CMIP: variants seen among roughly 807,000 people sequenced by gnomAD.
CMIP encodes the protein C-Maf-inducing protein.
In CMIP, 13 loss-of-function variants were observed where a neutral mutation model predicts 97.3. The ratio of observed to expected loss-of-function variants is 0.13; its 90% confidence interval spans 0.09 to 0.21. The LOEUF (loss-of-function observed/expected upper bound fraction) is 0.21. Ranked by LOEUF, CMIP falls within the 10% of genes least tolerant of loss-of-function variation. The probability of loss-of-function intolerance (pLI) is 1.00; values close to 1 mark genes in which losing one functional copy is unlikely to be tolerated. For missense variants in CMIP, 847 were observed against 1,024.9 expected, an observed-to-expected ratio of 0.83 and a Z score of 2.37; for synonymous variants, 538 against 436.3, an observed-to-expected ratio of 1.23 and a Z score of -2.91.
At chr16:81,660,819 A>G in intron 5 of CMIP, 65 bp from the exon 6 acceptor site, 1 of 1,565,914 alleles carries the variant, frequency 6.4e-7, no homozygotes, top group East Asian at 2.2e-5. Flanking sequence ...TGGCCTGGAG[A>G]TTGTTCGAAG....
intron 3 of CMIP, among the ~76,000 whole-genome samples, chr16:81,622,373 A>G (rs1489010318): frequency 6.6e-6 from 1 of 152,146 alleles, no homozygotes; most frequent in African/African-American, 2.4e-5. Context: ...CTGGGAGAAC[A>G]TCTCTGATGC....
At position 81,652,506 on chromosome 16, in the gene CMIP, C is replaced by T. The variant is rs2092439792; in HGVS notation, c.639+142C>T. 4 of 715,496 alleles carry T rather than the reference C, an allele frequency of 5.6e-6. No individual in the cohort carries two copies. The highest frequency in any genetic ancestry group is 9.3e-6 in the Non-Finnish European group (4 of 431,548). 44.3% of individuals were successfully genotyped at this position (715,496 alleles called of 1,614,324 possible). The stretch of plus-strand genomic sequence containing the variant: ...CTGCCGAAGGAGGTGAGCAGTTGCC[C>T]ACCCAGCCGTGTGTGGGAGTTGGGA... On this transcript the variant is annotated intron_variant, in intron 4 of 20. Transcript: ENST00000537098. The surrounding 1 kb of genome is among the most constrained non-coding windows in gnomAD (Gnocchi z 5.2).
chr16:81,456,489 G>A (rs9939491), intron 1 of CMIP, among the ~76,000 whole-genome samples: 46,816 of 152,088 alleles, frequency 0.31, 7,708 homozygotes, highest in East Asian at 0.65. Context: ...CAAGGCAACA[G>A]TAAGGATAGT....
At chr16:81,476,591 C>T (rs879728416) in intron 1 of CMIP, 3 of 487,694 alleles carry the variant, frequency 6.2e-6, no homozygotes, top group Non-Finnish European at 7.6e-6. Flanking sequence ...TGTAAAGTTT[C>T]ATATAAATAG....
chr16:81,556,308 T>A (rs1444532819), intron 1 of CMIP, among the ~76,000 whole-genome samples: 1 of 152,146 alleles, frequency 6.6e-6, no homozygotes, highest in Non-Finnish European at 1.5e-5. Context: ...GCTTCCACCT[T>A]TTGGCTACTT....
chr16:81,651,573 T>A (rs1161899906), intron 3 of CMIP: 1 of 161,964 alleles, frequency 6.2e-6, no homozygotes, highest in Non-Finnish European at 1.3e-5. Flanking sequence ...GCTGACTACC[T>A]GTCTTCAAGC....
At chr16:81,642,521 CTGAT>C (rs1398111478) in intron 3 of CMIP, among the ~76,000 whole-genome samples, 10 of 152,240 alleles carry the variant, frequency 6.6e-5, no homozygotes, top group Middle Eastern at 3.2e-3. Flanking sequence ...AAAATTTAAA[CTGAT>C]TCAGTGCAGT....
intron 1 of CMIP, among the ~76,000 whole-genome samples, chr16:81,582,591 T>C (rs1397299943): frequency 1.3e-5 from 2 of 152,064 alleles, no homozygotes; most frequent in African/African-American, 4.8e-5. Context: ...GAGACCACTT[T>C]CCAGCAAACA....
chr16:81,530,770 G>C (rs914556504), intron 1 of CMIP, among the ~76,000 whole-genome samples: 21 of 152,162 alleles, frequency 1.4e-4, no homozygotes, highest in African/African-American at 4.1e-4. Flanking sequence ...CATCCAAGGT[G>C]GCATCACTAA....
chr16:81,636,915 A>G (rs2092244483), intron 3 of CMIP, among the ~76,000 whole-genome samples: 1 of 146,972 alleles, frequency 6.8e-6, no homozygotes, highest in Non-Finnish European at 1.5e-5. Context: ...TTATGCATGT[A>G]TTTGCTACTG....
At chr16:81,606,669 C>T (rs1177104448) in intron 1 of CMIP, among the ~76,000 whole-genome samples, 1 of 151,942 alleles carries the variant, frequency 6.6e-6, no homozygotes. Context: ...CCAAGACAGA[C>T]CTAGGCCCTG....
intron 1 of CMIP, among the ~76,000 whole-genome samples, chr16:81,604,624 C>T (rs750520123): frequency 2.6e-4 from 39 of 152,184 alleles, no homozygotes; most frequent in Non-Finnish European, 3.4e-4. Flanking sequence ...TGCTTGAACA[C>T]GGGAGGCAGA....
chr16:81,533,313 G>A (rs2090277204), intron 1 of CMIP, among the ~76,000 whole-genome samples: 1 of 152,180 alleles, frequency 6.6e-6, no homozygotes, highest in African/African-American at 2.4e-5. Context: ...TTTTGAGTGA[G>A]TGAACGAATG....
At chr16:81,682,877 G>T (rs1184378049) in intron 10 of CMIP, among the ~76,000 whole-genome samples, 2 of 152,230 alleles carry the variant, frequency 1.3e-5, no homozygotes, top group African/African-American at 4.8e-5. Context: ...TATTCCAAAT[G>T]CGGGTCGAGG....
rs59748854 is a variant in CMIP, at chr16:81,493,350, GCGTTACCTGTCGTTACCTGT to G, written c.300+47830_300+47849del. On this transcript the variant is annotated intron_variant, in intron 1 of 20. Transcript: ENST00000537098. ...GGAGCTCTGGGGTCACTCACCCTCC[GCGTTACCTGTCGTTACCTGT>G]CGTTACCTGTCGTTACCTGTTGTCT... Among the ~76,000 whole-genome samples the G allele has an allele frequency of 6.0e-3, 914 of 151,506 alleles. 6 individuals are homozygous for G. Among genetic ancestry groups the G allele is most frequent in the Non-Finnish European group, 8.8e-3 (599 of 67,766 alleles).
rs142311335 is a variant in CMIP, at chr16:81,499,071, G to A, written c.300+53530G>A. ...ATTTTACAAATGAGGAAACTGAGGT[G>A]TAGAGCAGTTAGATCGGTGTAGAGA... is the stretch of plus-strand genomic sequence containing the variant. On this transcript the variant is annotated intron_variant, in intron 1 of 20. Coordinates refer to ENST00000537098, the MANE Select transcript of CMIP (RefSeq NM_198390.3). Among the ~76,000 whole-genome samples, 41 of 152,340 alleles carry A rather than the reference G, an allele frequency of 2.7e-4. No individual in the cohort carries two copies. The East Asian group carries it at 3.7e-3, about 14-fold the overall frequency.
intron 1 of CMIP, among the ~76,000 whole-genome samples, chr16:81,556,758 A>G (rs1378950598): frequency 6.6e-6 from 1 of 152,224 alleles, no homozygotes; most frequent in Non-Finnish European, 1.5e-5. Context: ...ATTGGACATC[A>G]CTTATACACA....
chr16:81,586,541 G>A (rs530999603), intron 1 of CMIP, among the ~76,000 whole-genome samples: 1 of 152,186 alleles, frequency 6.6e-6, no homozygotes, highest in Admixed American at 6.5e-5. Context: ...TCAGTGATCC[G>A]GTGTAACTCC....
intron 1 of CMIP, among the ~76,000 whole-genome samples, chr16:81,515,457 C>T (rs1163688957): frequency 6.6e-6 from 1 of 152,130 alleles, no homozygotes; most frequent in South Asian, 2.1e-4. Flanking sequence ...TGGGCGGGCA[C>T]CACTGGGCTT....
Sources: allele counts gnomAD v4.1 joint callset (sites outside exome capture counted in the v4.1 genomes callset), GRCh38; gene constraint gnomAD v4.1.1; non-coding constraint Gnocchi (gnomAD v3.1); transcripts MANE v1.5; gene names NCBI Gene and HGNC (gene_info 2026-07-23, HGNC 2026-07-21).